The following TUB variants were observed in gnomAD, a reference collection of about 807,000 sequenced individuals.
TUB encodes the protein tubby protein homolog.
Under a neutral mutation model 59.7 loss-of-function variants are expected in TUB, and 33 were observed. That is an observed-to-expected ratio of 0.55 (90% CI 0.42 to 0.74). The LOEUF (loss-of-function observed/expected upper bound fraction) is 0.74. Ranked by LOEUF, TUB falls within the 30% of genes least tolerant of loss-of-function variation. The pLI is 0.00. For synonymous variants in TUB, 293 were observed against 256.4 expected, an observed-to-expected ratio of 1.14 and a Z score of -1.36; for missense variants, 659 against 672.0, an observed-to-expected ratio of 0.98 and a Z score of 0.21.
upstream of TUB, chr11:8,038,586 A>G (rs1056725047): frequency 4.1e-5 from 46 of 1,135,512 alleles, no homozygotes; most frequent in South Asian, 9.1e-5. Context: ...CCGTGTTGCC[A>G]TGGAAACCAG....
At chr11:8,088,870 A>C (rs1943715914) in intron 1 of TUB, among the ~76,000 whole-genome samples, 1 of 152,204 alleles carries the variant, frequency 6.6e-6, no homozygotes, top group Non-Finnish European at 1.5e-5. Flanking sequence ...TGATGTCCCC[A>C]GGGCTGCCTG....
chr11:8,100,850 T>C lies in TUB; in HGVS notation c.1240T>C (p.Trp414Arg). The change falls in exon 11 of 12, where the codon TGG becomes CGG. Residue 414 changes from tryptophan to arginine, a missense_variant. Trp to Arg is a moderately radical substitution (Grantham distance 101, BLOSUM62 -3). Around this residue, in one of 3 missense-constraint regions of TUB, gnomAD observed 226 missense variants for 210.8 expected, o/e 1.07. Transcript: ENST00000299506. ...RNEHETLLAR[W>R]QNKNTESIIE... ...GGAGCATGAGACACTGCTAGCACGC[T>C]GGCAGAATAAGAACACGGAGAGTAT... The C allele has an allele frequency of 1.9e-6, 3 of 1,614,180 alleles. No individual in the cohort carries two copies. The highest frequency in any genetic ancestry group is 2.2e-5 in the South Asian group (2 of 91,088).
chr11:8,074,333 C>CA (rs1455610221), intron 2 of TUB, among the ~76,000 whole-genome samples: 5 of 152,132 alleles, frequency 3.3e-5, no homozygotes, highest in African/African-American at 7.2e-5. Context: ...TCACTCTAGG[C>CA]ATCTTTGTAT....
intron 1 of TUB, among the ~76,000 whole-genome samples, chr11:8,031,324 T>A (rs1942567783): frequency 6.6e-6 from 1 of 152,180 alleles, no homozygotes; most frequent in Admixed American, 6.5e-5. Flanking sequence ...GGCCCAAGAT[T>A]ACACTTAATG....
At chr11:8,097,578 T>G in intron 7 of TUB, 136 bp from the exon 8 acceptor site, 1 of 1,325,542 alleles carries the variant, frequency 7.5e-7, no homozygotes, top group Non-Finnish European at 1.1e-6. Context: ...TCTTTGTGTT[T>G]TCCAGTGCAT....
At position 8,100,527 on chromosome 11, in the gene TUB, G is replaced by A. The variant is rs1320935443; in HGVS notation, c.1141G>A (p.Gly381Arg). ...GGAGACAAACGTCTTAGGCTTCAAG[G>A]GGCCTCGGAAGATGAGCGTGATTGT... is the stretch of plus-strand genomic sequence containing the variant. Reference protein sequence around the residue: ...CYETNVLGFKGPRKMSVIVPG... With the variant: ...CYETNVLGFKRPRKMSVIVPG... The change falls in exon 10 of 12, where the codon GGG becomes AGG. Residue 381 changes from glycine to arginine, a missense_variant. Gly to Arg is a moderately radical substitution (Grantham distance 125). This residue lies in a region of TUB where 226 missense variants were observed against 210.8 expected (regional missense o/e 1.07). Transcript: ENST00000299506. The A allele has an allele frequency of 2.5e-6, 4 of 1,614,064 alleles. No individual in the cohort carries two copies. Among genetic ancestry groups the A allele is most frequent in the Non-Finnish European group, 3.4e-6 (4 of 1,179,992 alleles).
intron 2 of TUB, among the ~76,000 whole-genome samples, chr11:8,043,213 G>A (rs554400954): frequency 5.9e-5 from 9 of 152,204 alleles, no homozygotes; most frequent in South Asian, 2.1e-4. Flanking sequence ...GAATGGTCTC[G>A]CTATCCTGTT....
Position 8,032,260 on chromosome 11 carries a change from C to T in TUB, c.56+12902C>T, listed in dbSNP as rs115432302. 2.1e-3 allele frequency among the ~76,000 whole-genome samples: 324 copies of T among 152,274 alleles called. 2 individuals carry two copies. The highest frequency in any genetic ancestry group is 7.4e-3 in the African/African-American group (309 of 41,548). On this transcript the variant is annotated intron_variant, in intron 1 of 11. Transcript: ENST00000534099. Reference sequence around the variant, plus strand: ...TATAGCCTTGTGACACCACAAGTGCCGCCCCCACCCCCAACTACCACCAAG... The same window carrying T: ...TATAGCCTTGTGACACCACAAGTGCTGCCCCCACCCCCAACTACCACCAAG...
chr11:8,063,966 G>A (rs774118418), intron 2 of TUB, among the ~76,000 whole-genome samples: 77 of 152,124 alleles, frequency 5.1e-4, no homozygotes, highest in Non-Finnish European at 1.0e-3. Context: ...TCAATGATTG[G>A]TGACATTGGA....
rs1564924659 is a variant in TUB, at chr11:8,098,806, C to A, written c.1047C>A (p.Asn349Lys). The A allele has an allele frequency of 6.2e-7, 1 of 1,614,198 alleles. No individual in the cohort carries two copies. The highest frequency in any genetic ancestry group is 1.1e-5 in the South Asian group (1 of 91,080). Residue 349 changes from asparagine (N) to lysine (K), a missense_variant, in exon 9 of 12, where the codon AAC (asparagine) becomes AAA (lysine). By Grantham distance (94) the Asn-to-Lys change is moderately conservative. Coordinates refer to ENST00000299506, the MANE Select transcript of TUB (RefSeq NM_177972.3). ...TKFTVYDNGVNPQKASSSTLE... is the reference protein window; with the variant it reads ...TKFTVYDNGVKPQKASSSTLE... ...TCACTGTTTATGACAATGGAGTCAACCCTCAGAAGGCCTCATCCTCCACTT... is the reference window on the plus strand; with the variant it reads ...TCACTGTTTATGACAATGGAGTCAAACCTCAGAAGGCCTCATCCTCCACTT...
intron 2 of TUB, among the ~76,000 whole-genome samples, chr11:8,070,655 G>A (rs1396268364): frequency 1.3e-5 from 2 of 152,146 alleles, no homozygotes; most frequent in African/African-American, 4.8e-5. Context: ...AAGTAGTTGG[G>A]CCCTCCTCGG....
chr11:8,093,795 T>G (rs1372686549), intron 3 of TUB, among the ~76,000 whole-genome samples: 5 of 152,058 alleles, frequency 3.3e-5, no homozygotes, highest in Admixed American at 2.6e-4. Context: ...TGATCACAGG[T>G]TTTGGTCTGG....
At chr11:8,047,052 A>G (rs562772498) in intron 2 of TUB, among the ~76,000 whole-genome samples, 1 of 152,346 alleles carries the variant, frequency 6.6e-6, no homozygotes, top group African/African-American at 2.4e-5. Context: ...AAGCTTTAGC[A>G]CAGAGCACTG....
intron 11 of TUB, 89 bp downstream of exon 11, chr11:8,101,086 G>A: frequency 2.7e-6 from 4 of 1,471,790 alleles, no homozygotes; most frequent in Admixed American, 3.7e-5. Flanking sequence ...TGCCTACACT[G>A]GCTAGAGTTT....
chr11:8,050,436 C>T (rs536991864), intron 2 of TUB, among the ~76,000 whole-genome samples: 1 of 152,174 alleles, frequency 6.6e-6, no homozygotes, highest in Admixed American at 6.5e-5. Flanking sequence ...CTTTCACCAG[C>T]AATATATGAA....
intron 2 of TUB, among the ~76,000 whole-genome samples, chr11:8,044,770 C>T (rs72848407): frequency 0.064 from 9,768 of 152,212 alleles, 442 homozygotes; most frequent in Non-Finnish European, 0.091. Context: ...TTGGGGGTTC[C>T]TAGGACCCCT....
intron 2 of TUB, among the ~76,000 whole-genome samples, chr11:8,053,441 T>C (rs80181261): frequency 0.043 from 6,590 of 152,246 alleles, 187 homozygotes; most frequent in Non-Finnish European, 0.059. Context: ...TTTTATGTAT[T>C]GCTGAGTGAT....
In TUB at chr11:8,105,320, TC is replaced by T. The variant is rs1258828882; in HGVS notation, c.*3702del. Reference sequence around the variant, plus strand: ...TGACTGGGACCTGAATGACCTGCAGTCAGGGCCCAGAGTTGGGACTCTATAC... The same window carrying T: ...TGACTGGGACCTGAATGACCTGCAGTAGGGCCCAGAGTTGGGACTCTATAC... On this transcript the variant is annotated 3_prime_UTR_variant, in exon 12 of 12. Coordinates refer to ENST00000299506, the MANE Select transcript of TUB (RefSeq NM_177972.3). 1.3e-5 allele frequency: 2 copies of T among 152,216 alleles called. No individual in the cohort carries two copies. The highest frequency in any genetic ancestry group is 4.8e-5 in the African/African-American group (2 of 41,446). The allele number at this position is 152,216 out of a possible 1,614,324, so 9.4% of individuals were successfully genotyped here. A position where few individuals can be genotyped will look rare whatever the true frequency, so the allele number is the denominator to read the frequency against.
chr11:8,082,674 A>G (rs73398916), intron 1 of TUB, among the ~76,000 whole-genome samples: 8 of 152,338 alleles, frequency 5.3e-5, no homozygotes, highest in African/African-American at 1.9e-4. Context: ...AGTCACTGAT[A>G]GAAAATAGTT....
Sources: allele counts gnomAD v4.1 joint callset (sites outside exome capture counted in the v4.1 genomes callset), GRCh38; gene constraint gnomAD v4.1.1; regional missense constraint gnomAD v4.1.1; transcripts MANE v1.5; gene names NCBI Gene and HGNC (gene_info 2026-07-23, HGNC 2026-07-21).